Variants in TP53INP1 observed in about 807,000 individuals in gnomAD.
The protein encoded by TP53INP1 is tumor protein p53 inducible nuclear protein 1, also known as tumor protein p53-inducible nuclear protein 1.
A neutral mutation model predicts 21.0 loss-of-function variants in TP53INP1; 12 were observed. That is an observed-to-expected ratio of 0.57 (90% CI 0.37 to 0.93). TP53INP1 has a LOEUF of 0.93. TP53INP1 is among the 40% of genes least tolerant of loss of function. TP53INP1 has a pLI of 0.01. For missense variants in TP53INP1, 274 were observed against 294.7 expected (o/e 0.93, Z 0.51); for synonymous variants, 91 against 94.8 (o/e 0.96, Z 0.23).
At chr8:94,931,787 C>T (rs762711435) in intron 3 of TP53INP1, among the ~76,000 whole-genome samples, 6 of 152,070 alleles carry the variant, frequency 3.9e-5, no homozygotes, top group Non-Finnish European at 8.8e-5. Flanking sequence ...GCCTGGCCAA[C>T]ATGGTGAAAC....
chr8:94,930,220 C>T lies in TP53INP1; in HGVS notation c.*259G>A, dbSNP rs1820255106. On this transcript the variant is annotated 3_prime_UTR_variant, in exon 4 of 4. Transcript: ENST00000342697. ...ATAACCTAATATATTTAAAGACACCCCCAAACACTGTAATTATATTGATAT... is the reference window on the plus strand; with the variant it reads ...ATAACCTAATATATTTAAAGACACCTCCAAACACTGTAATTATATTGATAT... 3 of 455,836 alleles carry T rather than the reference C, an allele frequency of 6.6e-6. No individual in the cohort carries two copies. Among genetic ancestry groups the T allele is most frequent in the Non-Finnish European group, 1.2e-5 (3 of 258,226 alleles). 28.2% of individuals were successfully genotyped at this position (455,836 alleles called of 1,614,324 possible). A position where few individuals can be genotyped will look rare whatever the true frequency, so the allele number is the denominator to read the frequency against.
At chr8:94,933,407 AAAG>A (rs965065388) in intron 3 of TP53INP1, among the ~76,000 whole-genome samples, 17 of 152,336 alleles carry the variant, frequency 1.1e-4, no homozygotes, top group African/African-American at 3.1e-4. Flanking sequence ...AAGAAGGAAG[AAAG>A]AAGAAGAAAT....
At position 94,940,138 on chromosome 8, in the gene TP53INP1, G is replaced by T; in HGVS notation, c.195C>A (p.Val65=). Reference sequence around the variant, plus strand: ...CAAGAGATGCCGGTAAACAGGAAAAGACTGAAGGGTGCTCAGTAGGTGACT... The same window carrying T: ...CAAGAGATGCCGGTAAACAGGAAAATACTGAAGGGTGCTCAGTAGGTGACT... ...SEESPTEHPS[V]FSCLPASLEC... Residue 65 remains valine, a synonymous_variant, in exon 3 of 4, where the codon GTC becomes GTA. Transcript: ENST00000342697. 1 of 1,614,208 alleles carries T rather than the reference G, an allele frequency of 6.2e-7. No homozygotes were observed. The highest frequency in any genetic ancestry group is 8.5e-7 in the Non-Finnish European group (1 of 1,180,032).
chr8:94,933,165 G>T (rs564659045), intron 3 of TP53INP1, among the ~76,000 whole-genome samples: 3 of 152,170 alleles, frequency 2.0e-5, no homozygotes, highest in African/African-American at 7.2e-5. Flanking sequence ...GCAGTGAGCC[G>T]AGATTGCGCC....
chr8:94,942,507 T>C (rs1193787299), intron 1 of TP53INP1, among the ~76,000 whole-genome samples: 1 of 152,214 alleles, frequency 6.6e-6, no homozygotes, highest in Non-Finnish European at 1.5e-5. Context: ...ACAGTCTCCC[T>C]GATCCTACTC....
Position 94,945,293 on chromosome 8 carries a change from G to A in TP53INP1, c.-151+3861C>T, listed in dbSNP as rs572662065. On this transcript the variant is annotated intron_variant, in intron 1 of 3. Transcript: ENST00000342697. ...GTATATGTAAAGTACACACTAGAGT[G>A]TATTTCAAAGACTTAGTACCCCCCA... Among the ~76,000 whole-genome samples the A allele has an allele frequency of 2.6e-5, 4 of 152,144 alleles. 1 individual carries two copies. The East Asian group carries it at 5.8e-4, about 22-fold the overall frequency.
At position 94,925,985 on chromosome 8, in the gene TP53INP1, C is replaced by T. The variant is rs987915764; in HGVS notation, c.*4494G>A. ...ATCTGACAAGTGTGAAGTTAAAGGA[C>T]ACTTTATTTACTGACAGATTGAAAA... is the stretch of plus-strand genomic sequence containing the variant. On this transcript the variant is annotated 3_prime_UTR_variant, in exon 4 of 4. Coordinates refer to ENST00000342697, the MANE Select transcript of TP53INP1 (RefSeq NM_033285.4). 3 of 152,546 alleles carry T rather than the reference C, an allele frequency of 2.0e-5. No individual in the cohort carries two copies. Among genetic ancestry groups the T allele is most frequent in the Non-Finnish European group, 4.4e-5 (3 of 68,032 alleles). 9.4% of individuals were successfully genotyped at this position (152,546 alleles called of 1,614,324 possible).
At chr8:94,937,576 A>G (rs1298352825) in intron 3 of TP53INP1, among the ~76,000 whole-genome samples, 1 of 152,278 alleles carries the variant, frequency 6.6e-6, no homozygotes, top group Non-Finnish European at 1.5e-5. Context: ...GACTTATGCA[A>G]TTCTAGCCAA....
In TP53INP1 at chr8:94,928,631, ACT is replaced by A. The variant is rs1820107318; in HGVS notation, c.*1846_*1847del. ...GCAATAAGGAGAAAGGGGGAATCTA[ACT>A]CTTGTTCTAAAGAGACATTCTGGCA... On this transcript the variant is annotated 3_prime_UTR_variant, in exon 4 of 4. Coordinates refer to ENST00000342697, the MANE Select transcript of TP53INP1 (RefSeq NM_033285.4). The A allele has an allele frequency of 6.6e-6, 1 of 152,292 alleles. No individual in the cohort carries two copies. Among genetic ancestry groups the A allele is most frequent in the African/African-American group, 2.4e-5 (1 of 41,436 alleles). The allele number at this position is 152,292 out of a possible 1,614,324, so 9.4% of individuals were successfully genotyped here.
At chr8:94,948,023 T>TCA (rs1246795300) in intron 1 of TP53INP1, among the ~76,000 whole-genome samples, 1 of 152,154 alleles carries the variant, frequency 6.6e-6, no homozygotes, top group Non-Finnish European at 1.5e-5. Context: ...ACCCCAAGGG[T>TCA]CACATTGTTC....
intron 3 of TP53INP1, among the ~76,000 whole-genome samples, chr8:94,939,100 AGT>A (rs910780929): frequency 4.6e-5 from 7 of 152,240 alleles, no homozygotes; most frequent in African/African-American, 1.4e-4. Flanking sequence ...GTGACTGTGC[AGT>A]GTGAGTATTG....
Position 94,930,446 on chromosome 8 carries a change from C to G in TP53INP1, c.*33G>C. 1 of 1,612,044 alleles carries G rather than the reference C, an allele frequency of 6.2e-7. No individual in the cohort carries two copies. The highest frequency in any genetic ancestry group is 1.1e-5 in the South Asian group (1 of 90,964). On this transcript the variant is annotated 3_prime_UTR_variant, in exon 4 of 4. Coordinates refer to ENST00000342697, the MANE Select transcript of TP53INP1 (RefSeq NM_033285.4). ...ACACATCCATACATGTAAGCACAAACCAAGAGAAACCAACCAACAAAACTT... is the reference window on the plus strand; with the variant it reads ...ACACATCCATACATGTAAGCACAAAGCAAGAGAAACCAACCAACAAAACTT...
intron 1 of TP53INP1, among the ~76,000 whole-genome samples, chr8:94,941,467 GC>G (rs760390217): frequency 5.3e-5 from 8 of 152,186 alleles, no homozygotes; most frequent in Non-Finnish European, 1.2e-4. Flanking sequence ...CAGCAACAGT[GC>G]CTGGTGACCA....
Position 94,927,766 on chromosome 8 carries a change from G to A in TP53INP1, c.*2713C>T, listed in dbSNP as rs1471180316. 2 of 152,530 alleles carry A rather than the reference G, an allele frequency of 1.3e-5. No homozygotes were observed. Among genetic ancestry groups the A allele is most frequent in the Non-Finnish European group, 2.9e-5 (2 of 68,016 alleles). 9.4% of individuals were successfully genotyped at this position (152,530 alleles called of 1,614,324 possible). The stretch of plus-strand genomic sequence containing the variant: ...AACTCATTCACGAAGCACTGCTTGT[G>A]TACACCACATATTCCAGACTTTTTC... On this transcript the variant is annotated 3_prime_UTR_variant, in exon 4 of 4. Coordinates refer to ENST00000342697, the MANE Select transcript of TP53INP1 (RefSeq NM_033285.4).
In TP53INP1 at chr8:94,930,691, A is replaced by G. The variant is rs764976916; in HGVS notation, c.511T>C (p.Cys171Arg). The G allele has an allele frequency of 1.4e-5, 22 of 1,614,250 alleles. No homozygotes were observed. Among genetic ancestry groups the G allele is most frequent in the Non-Finnish European group, 1.8e-5 (21 of 1,180,032 alleles). Residue 171 changes from cysteine (C) to arginine (R), a missense_variant, in exon 4 of 4, where the codon TGT becomes CGT. Coordinates refer to ENST00000342697, the MANE Select transcript of TP53INP1 (RefSeq NM_033285.4). ...AQNEMGQHIH[C>R]YVAALAAHTT... Reference sequence around the variant, plus strand: ...TGAGCAGCAAGAGCTGCAACATAACAATGAATATGCTGCCCCATTTCATTT... The same window carrying G: ...TGAGCAGCAAGAGCTGCAACATAACGATGAATATGCTGCCCCATTTCATTT...
intron 2 of TP53INP1, among the ~76,000 whole-genome samples, 167 bp from the exon 3 acceptor site, chr8:94,940,387 C>A (rs899436035): frequency 6.6e-6 from 1 of 151,942 alleles, no homozygotes; most frequent in African/African-American, 2.4e-5. Flanking sequence ...TTATTTAGTT[C>A]AGAAAACCAT....
At position 94,930,351 on chromosome 8, in the gene TP53INP1, T is replaced by TA; in HGVS notation, c.*127dup. 1 of 1,315,388 alleles carries TA rather than the reference T, an allele frequency of 7.6e-7. No individual in the cohort carries two copies. The highest frequency in any genetic ancestry group is 2.2e-5 in the Admixed American group (1 of 45,006). The allele number at this position is 1,315,388 out of a possible 1,614,324, so 81.5% of individuals were successfully genotyped here. On this transcript the variant is annotated 3_prime_UTR_variant, in exon 4 of 4. Transcript: ENST00000342697. Reference sequence around the variant, plus strand: ...TCTGATTTTCAAGATAGTGTCTAAATACACTGATAAAACTATGTGATTGGT... The same window carrying TA: ...TCTGATTTTCAAGATAGTGTCTAAATAACACTGATAAAACTATGTGATTGGT...
At chr8:94,946,969 T>A (rs1193665798) in intron 1 of TP53INP1, among the ~76,000 whole-genome samples, 1 of 152,156 alleles carries the variant, frequency 6.6e-6, no homozygotes, top group African/African-American at 2.4e-5. Context: ...AGTTTCTTTA[T>A]CCATAAAATG....
chr8:94,933,951 C>G (rs961341202), intron 3 of TP53INP1, among the ~76,000 whole-genome samples: 24 of 151,042 alleles, frequency 1.6e-4, no homozygotes, highest in African/African-American at 5.6e-4. Context: ...GTGGCACATG[C>G]CTGTAATCCC....
Sources: allele counts gnomAD v4.1 joint callset (sites outside exome capture counted in the v4.1 genomes callset), GRCh38; gene constraint gnomAD v4.1.1; transcripts MANE v1.5; gene names NCBI Gene and HGNC (gene_info 2026-07-23, HGNC 2026-07-21).